Variants in AHCY observed in about 807,000 individuals in gnomAD.
AHCY encodes the protein S-adenosyl-L-homocysteine hydrolase.
A neutral mutation model predicts 45.4 loss-of-function variants in AHCY; 24 were observed. That is an observed-to-expected ratio of 0.53 (90% CI 0.38 to 0.74). The LOEUF is 0.74. Ranked by LOEUF, AHCY falls within the 30% of genes least tolerant of loss-of-function variation. AHCY has a pLI of 0.00. For missense variants in AHCY, 449 were observed against 594.1 expected (o/e 0.76, Z 2.54); for synonymous variants, 245 against 235.1 (o/e 1.04, Z -0.39).
the AHCY span, among the ~76,000 whole-genome samples, chr20:34,270,389 TTC>T: frequency 1.3e-5 from 2 of 152,184 alleles, no homozygotes; most frequent in Non-Finnish European, 2.9e-5. Context: ...TTGTTTTGTT[TTC>T]TGTTATTTAG....
chr20:34,249,054 T>C, the AHCY span, among the ~76,000 whole-genome samples: 1 of 150,336 alleles, frequency 6.7e-6, no homozygotes, highest in Non-Finnish European at 1.5e-5. Flanking sequence ...GCTTGAACCC[T>C]GAAGGCAGAG....
At chr20:34,296,457 T>C (rs1044289826) in intron 1 of AHCY, among the ~76,000 whole-genome samples, 3 of 152,220 alleles carry the variant, frequency 2.0e-5, no homozygotes, top group Non-Finnish European at 4.4e-5. Flanking sequence ...AAAATACTAA[T>C]CTACATCCTC....
chr20:34,273,595 CAT>C, the AHCY span, among the ~76,000 whole-genome samples: 1 of 152,206 alleles, frequency 6.6e-6, no homozygotes, highest in African/African-American at 2.4e-5. Context: ...TTACCCCAGT[CAT>C]ACAGTAGGAA....
the AHCY span, chr20:34,269,205 G>C: frequency 6.9e-7 from 1 of 1,448,946 alleles, no homozygotes; most frequent in Non-Finnish European, 9.1e-7. Flanking sequence ...CAGGGCTTCG[G>C]GGACGCGGGG....
chr20:34,276,651 G>A (rs911623401), downstream of AHCY, among the ~76,000 whole-genome samples: 1 of 152,134 alleles, frequency 6.6e-6, no homozygotes, highest in Non-Finnish European at 1.5e-5. Context: ...CCAGGGAGAA[G>A]CAGCCTCTAG....
rs1568818001 is a variant in AHCY at position 34,303,301 on chromosome 20, A to G, written c.-31T>C. 1.9e-6 allele frequency: 3 copies of G among 1,551,738 alleles called. No individual in the cohort carries two copies. The highest frequency in any genetic ancestry group is 1.7e-6 in the Non-Finnish European group (2 of 1,146,984). The stretch of plus-strand genomic sequence containing the variant: ...CGGCACTCGTGATGGAAACGGGCGA[A>G]GGGGGCTGGGCCTCAGTCTGGGAAC... On this transcript the variant is annotated 5_prime_UTR_variant, in exon 1 of 10. Coordinates refer to ENST00000217426, the MANE Select transcript of AHCY (RefSeq NM_000687.4).
chr20:34,286,941 C>T (rs2036208412), intron 8 of AHCY, among the ~76,000 whole-genome samples: 1 of 151,968 alleles, frequency 6.6e-6, no homozygotes, highest in Non-Finnish European at 1.5e-5. Flanking sequence ...GTTGAGAACT[C>T]CCGGTTTAGT....
upstream of AHCY, among the ~76,000 whole-genome samples, chr20:34,305,848 G>C (rs765486701): frequency 1.3e-5 from 2 of 152,190 alleles, no homozygotes; most frequent in African/African-American, 4.8e-5. Context: ...TTTGGAAGCC[G>C]GGGCGAGTGG....
chr20:34,292,652 G>A (rs2036437890), intron 3 of AHCY, 145 bp from the exon 4 acceptor site: 2 of 1,192,002 alleles, frequency 1.7e-6, no homozygotes, highest in Non-Finnish European at 2.4e-6. Context: ...CAGTGGTCAG[G>A]ACACAACTTG....
chr20:34,295,223 A>C lies in AHCY; in HGVS notation c.219+172T>G, dbSNP rs557820693. On this transcript the variant is annotated intron_variant, in intron 2 of 9. Coordinates refer to ENST00000217426, the MANE Select transcript of AHCY (RefSeq NM_000687.4). ...GGAGAAAATCTGCAGAACACTCACC[A>C]CAAGGGGTGGCAGCACTGGGAAACG... 132 of 830,378 alleles carry C rather than the reference A, an allele frequency of 1.6e-4. No individual in the cohort carries two copies. In the African/African-American group the frequency reaches 1.9e-3, roughly 12 times the overall value. The allele number at this position is 830,378 out of a possible 1,614,324, so 51.4% of individuals were successfully genotyped here. A position where few individuals can be genotyped will look rare whatever the true frequency, so the allele number is the denominator to read the frequency against.
rs781278197 is a variant in AHCY at position 34,295,455 on chromosome 20, G to A, written c.159C>T (p.Cys53=). ...KPLKGARIAG[C]LHMTVETAVL... is the part of the protein sequence containing the mutation. Reference sequence around the variant, plus strand: ...CGGCCGTCTCCACGGTCATGTGCAGGCAGCCAGCGATGCGGGCGCCCTTCA... The same window carrying A: ...CGGCCGTCTCCACGGTCATGTGCAGACAGCCAGCGATGCGGGCGCCCTTCA... The change falls in exon 2 of 10, where the codon TGC becomes TGT. Residue 53 remains cysteine, a synonymous_variant. Transcript: ENST00000217426. 6.2e-7 allele frequency: 1 copy of A among 1,614,032 alleles called. No homozygotes were observed. The highest frequency in any genetic ancestry group is 8.5e-7 in the Non-Finnish European group (1 of 1,180,044).
chr20:34,249,568 T>C, the AHCY span, among the ~76,000 whole-genome samples: 1 of 152,224 alleles, frequency 6.6e-6, no homozygotes, highest in African/African-American at 2.4e-5. Flanking sequence ...CCAGGCCTCG[T>C]GCTTAAAGGG....
the AHCY span, among the ~76,000 whole-genome samples, chr20:34,238,242 T>C: frequency 2.0e-5 from 3 of 152,316 alleles, no homozygotes; most frequent in South Asian, 6.2e-4. Context: ...TGGGTTTTTT[T>C]CTCTCTTCTC....
intron 1 of AHCY, among the ~76,000 whole-genome samples, chr20:34,300,882 T>A (rs937202132): frequency 6.6e-6 from 1 of 152,156 alleles, no homozygotes; most frequent in Non-Finnish European, 1.5e-5. Context: ...TCTGCTCACA[T>A]AAAATGGAGA....
intron 1 of AHCY, among the ~76,000 whole-genome samples, chr20:34,298,252 T>C (rs891101938): frequency 1.4e-4 from 21 of 152,094 alleles, no homozygotes; most frequent in African/African-American, 5.1e-4. Context: ...AAAACAAGAA[T>C]AGTTATACTA....
chr20:34,283,962 T>C (rs538021051), intron 9 of AHCY, among the ~76,000 whole-genome samples: 13 of 152,286 alleles, frequency 8.5e-5, no homozygotes, highest in South Asian at 6.2e-4. Flanking sequence ...ATAAGGAGAC[T>C]GAGGATTGGA....
chr20:34,242,017 A>G, the AHCY span, among the ~76,000 whole-genome samples: 2 of 152,128 alleles, frequency 1.3e-5, no homozygotes, highest in African/African-American at 2.4e-5. Flanking sequence ...ATGGATATCC[A>G]TATTCACACA....
chr20:34,235,918 G>GGAAGCGGGAGGGAGGGAA, the AHCY span, among the ~76,000 whole-genome samples: 10 of 122,880 alleles, frequency 8.1e-5, no homozygotes, highest in African/African-American at 4.0e-4. Context: ...AAGGAAGGAA[G>GGAAGCGGGAGGGAGGGAA]GAAGGAAGGA....
chr20:34,305,648 T>C (rs927420656), upstream of AHCY, among the ~76,000 whole-genome samples: 2 of 152,168 alleles, frequency 1.3e-5, no homozygotes, highest in Admixed American at 6.5e-5. Context: ...TTCCAGATAC[T>C]GTGAAAATTA....
Sources: gnomAD v4.1 joint callset for allele counts (sites outside exome capture counted in the v4.1 genomes callset) on GRCh38, gnomAD v4.1.1 for gene constraint, MANE v1.5 for transcripts, NCBI Gene and HGNC (gene_info 2026-07-23, HGNC 2026-07-21) for gene names.